ATXN1: variants seen among roughly 807,000 people sequenced by gnomAD.
ATXN1 encodes ataxin 1.
ATXN1 carries 8 observed loss-of-function variants against 56.4 expected under a neutral mutation model. The ratio of observed to expected loss-of-function variants is 0.14; its 90% CI spans 0.08 to 0.26. ATXN1 has a LOEUF of 0.26. Ranked by LOEUF, ATXN1 falls within the 10% of genes least tolerant of loss-of-function variation. ATXN1 has a pLI of 1.00. For missense variants in ATXN1, 987 were observed against 1,106.5 expected, an observed-to-expected ratio of 0.89 and a Z score of 1.53; for synonymous variants, 514 against 494.6, an observed-to-expected ratio of 1.04 and a Z score of -0.52.
Position 16,694,306 on chromosome 6 carries a change from C to T in ATXN1, c.-614-36405G>A, listed in dbSNP as rs149759428. Among the ~76,000 whole-genome samples, 495 of 139,814 alleles carry T rather than the reference C, an allele frequency of 3.5e-3. 4 individuals carry two copies. The highest frequency in any genetic ancestry group is 0.013 in the African/African-American group (467 of 37,252). The allele number at this position is 139,814 out of a possible 152,430, so 91.7% of individuals were successfully genotyped here. On this transcript the variant is annotated intron_variant, in intron 2 of 7. Transcript: ENST00000436367. ...CTCGCTCTGTCGCCAGGCTGGAGTG[C>T]AGTGGTGTGATCTTGGCTCACTGCA...
chr6:16,418,024 G>A (rs1311474728), intron 6 of ATXN1, among the ~76,000 whole-genome samples: 1 of 152,180 alleles, frequency 6.6e-6, no homozygotes, highest in Non-Finnish European at 1.5e-5. Context: ...ACGAATGAAG[G>A]TAAAGCATGT....
chr6:16,750,670 T>C (rs649266), intron 2 of ATXN1, among the ~76,000 whole-genome samples: 96,706 of 152,052 alleles, frequency 0.64, 31,335 homozygotes, highest in East Asian at 0.83. Flanking sequence ...GCCTAACATA[T>C]TATAAAAACC....
chr6:16,571,687 G>C (rs1448306219), intron 4 of ATXN1, among the ~76,000 whole-genome samples: 1 of 151,772 alleles, frequency 6.6e-6, no homozygotes, highest in Non-Finnish European at 1.5e-5. Context: ...AAGAGACAAA[G>C]ACTTGTTCTG....
At chr6:16,623,466 C>T (rs760022592) in intron 3 of ATXN1, among the ~76,000 whole-genome samples, 1 of 152,212 alleles carries the variant, frequency 6.6e-6, no homozygotes, top group Admixed American at 6.5e-5. Context: ...CAAATCCAGA[C>T]TTGAAGAAAT....
intron 3 of ATXN1, among the ~76,000 whole-genome samples, chr6:16,617,647 G>A (rs571144342): frequency 1.9e-4 from 29 of 151,728 alleles, no homozygotes; most frequent in African/African-American, 6.5e-4. Flanking sequence ...GGCGCCTGCA[G>A]TCCCAGCTAC....
At position 16,417,757 on chromosome 6, in the gene ATXN1, CCTAAT is replaced by C. The variant is rs1394380310; in HGVS notation, c.-161+68210_-161+68214del. ...GTGGCCACAACTTTTTTTTTAATGG[CCTAAT>C]CTGTTTCTCAGCATACGAACACTGT... On this transcript the variant is annotated intron_variant, in intron 6 of 7. Transcript: ENST00000436367. 3.9e-5 allele frequency among the ~76,000 whole-genome samples: 6 copies of C among 152,008 alleles called. No individual in the cohort carries two copies. The East Asian group carries it at 9.7e-4, about 25-fold the overall frequency.
chr6:16,340,818 C>A (rs1347731968), intron 6 of ATXN1, among the ~76,000 whole-genome samples: 2 of 151,962 alleles, frequency 1.3e-5, no homozygotes, highest in African/African-American at 4.8e-5. Context: ...ATTGGTATAC[C>A]CCAAACTGTG....
intron 2 of ATXN1, among the ~76,000 whole-genome samples, chr6:16,681,531 G>A (rs967760673): frequency 1.3e-5 from 2 of 152,226 alleles, no homozygotes; most frequent in African/African-American, 2.4e-5. Context: ...AAAAGGATCC[G>A]CCATCAATGA....
intron 6 of ATXN1, among the ~76,000 whole-genome samples, chr6:16,390,518 T>C (rs1758330798): frequency 6.6e-6 from 1 of 152,212 alleles, no homozygotes; most frequent in Non-Finnish European, 1.5e-5. Context: ...GTTAGACTCC[T>C]TGGGTCTATC....
intron 3 of ATXN1, among the ~76,000 whole-genome samples, chr6:16,638,580 C>T (rs1193732343): frequency 6.6e-6 from 1 of 152,150 alleles, no homozygotes; most frequent in Non-Finnish European, 1.5e-5. Flanking sequence ...CCTCCTGGCC[C>T]ACAATGCATG....
chr6:16,616,107 T>C (rs1190060408), intron 3 of ATXN1: 1 of 152,178 alleles, frequency 6.6e-6, no homozygotes, highest in Non-Finnish European at 1.5e-5. Context: ...TTATTTGGCA[T>C]ACCATCAGGA....
chr6:16,402,927 T>C (rs1004504924), intron 6 of ATXN1, among the ~76,000 whole-genome samples: 1 of 152,132 alleles, frequency 6.6e-6, no homozygotes, highest in African/African-American at 2.4e-5. Context: ...ATTCACGAAC[T>C]CCAAAACCTT....
chr6:16,663,232 G>A (rs6459480), intron 2 of ATXN1, among the ~76,000 whole-genome samples: 95,598 of 151,586 alleles, frequency 0.63, 31,421 homozygotes, highest in African/African-American at 0.82. Flanking sequence ...GCCTCCCGAA[G>A]TGCTAGGATT....
intron 6 of ATXN1, chr6:16,432,666 A>T (rs1393136461): frequency 6.6e-6 from 1 of 151,954 alleles, no homozygotes; most frequent in Non-Finnish European, 1.5e-5. Flanking sequence ...ACCACCACAA[A>T]ATTTGCTTAA....
intron 2 of ATXN1, among the ~76,000 whole-genome samples, chr6:16,722,779 C>T (rs188442313): frequency 1.3e-5 from 2 of 152,180 alleles, no homozygotes; most frequent in Non-Finnish European, 2.9e-5. Flanking sequence ...TACTCAGGTT[C>T]TTTAGTGAGT....
intron 3 of ATXN1, among the ~76,000 whole-genome samples, chr6:16,641,295 T>C (rs552833340): frequency 5.3e-5 from 8 of 152,328 alleles, no homozygotes; most frequent in Admixed American, 2.0e-4. Context: ...GAAAATGCCA[T>C]TTAAGACTTT....
intron 2 of ATXN1, among the ~76,000 whole-genome samples, chr6:16,668,670 A>C (rs528073888): frequency 6.6e-6 from 1 of 152,320 alleles, no homozygotes; most frequent in South Asian, 2.1e-4. Flanking sequence ...AAAAATTCTC[A>C]GCCATTCTTA....
intron 6 of ATXN1, among the ~76,000 whole-genome samples, chr6:16,460,266 C>G (rs553154019): frequency 1.1e-4 from 16 of 152,302 alleles, no homozygotes; most frequent in Non-Finnish European, 1.8e-4. Context: ...TTATACCTCA[C>G]AGAGAGAGCG....
chr6:16,455,551 A>T (rs892347399), intron 6 of ATXN1, among the ~76,000 whole-genome samples: 1 of 151,798 alleles, frequency 6.6e-6, no homozygotes, highest in African/African-American at 2.4e-5. Flanking sequence ...GCAATGTGGC[A>T]AGCATGCTCC....
Sources: gnomAD v4.1 joint callset for allele counts (sites outside exome capture counted in the v4.1 genomes callset) on GRCh38, gnomAD v4.1.1 for gene constraint, MANE v1.5 for transcripts, NCBI Gene and HGNC (gene_info 2026-07-23, HGNC 2026-07-21) for gene names.